SERPINI1: variants seen among roughly 807,000 people sequenced by gnomAD.
The protein encoded by SERPINI1 is neuroserpin.
SERPINI1 carries 19 observed loss-of-function variants against 41.1 expected under a neutral mutation model. The ratio of observed to expected loss-of-function variants is 0.46; its 90% CI spans 0.32 to 0.68. The LOEUF is 0.68. Among genes scored for constraint, SERPINI1 ranks in the 30% least tolerant of loss-of-function variants. The pLI is 0.03. For missense variants in SERPINI1, 460 were observed against 479.2 expected (o/e 0.96, Z 0.37); for synonymous variants, 138 against 156.6 (o/e 0.88, Z 0.89).
chr3:167,748,666 A>C (rs571499065), intron 1 of SERPINI1, among the ~76,000 whole-genome samples: 10 of 152,244 alleles, frequency 6.6e-5, no homozygotes, highest in Admixed American at 6.5e-4. Flanking sequence ...TTTGAGTATG[A>C]AATCAACTAG....
chr3:167,790,001 G>C (rs1727445102), intron 2 of SERPINI1, among the ~76,000 whole-genome samples: 1 of 151,952 alleles, frequency 6.6e-6, no homozygotes, highest in African/African-American at 2.4e-5. Flanking sequence ...AAAATTAAAA[G>C]GTCTACTGAG....
At chr3:167,786,590 T>C (rs1727321813) in intron 1 of SERPINI1, among the ~76,000 whole-genome samples, 1 of 151,416 alleles carries the variant, frequency 6.6e-6, no homozygotes, top group Non-Finnish European at 1.5e-5. Flanking sequence ...GGAGCTTGCA[T>C]GGGTAGAAGT....
At chr3:167,750,581 T>C (rs1270641155) in intron 1 of SERPINI1, among the ~76,000 whole-genome samples, 4 of 152,228 alleles carry the variant, frequency 2.6e-5, no homozygotes, top group African/African-American at 9.6e-5. Context: ...ACTGCTTCAC[T>C]GTTTCTGAGA....
intron 6 of SERPINI1, 60 bp from the exon 7 acceptor site, chr3:167,822,925 AG>A (rs1385570570): frequency 1.1e-6 from 1 of 931,514 alleles, no homozygotes; most frequent in East Asian, 2.4e-5. Context: ...ATTTAACAAA[AG>A]GGCAAAATAT....
chr3:167,816,532 A>G (rs747921859), intron 6 of SERPINI1, among the ~76,000 whole-genome samples: 17 of 152,342 alleles, frequency 1.1e-4, no homozygotes, highest in Non-Finnish European at 2.2e-4. Context: ...AAAATTGAAC[A>G]TTACCAGGAA....
chr3:167,763,681 C>T (rs1726462539), intron 1 of SERPINI1, among the ~76,000 whole-genome samples: 1 of 152,100 alleles, frequency 6.6e-6, no homozygotes, highest in African/African-American at 2.4e-5. Flanking sequence ...CTAACAATCA[C>T]CTGAAATATC....
intron 3 of SERPINI1, among the ~76,000 whole-genome samples, chr3:167,791,001 G>T (rs3804612): frequency 0.13 from 19,865 of 151,996 alleles, 1,602 homozygotes; most frequent in African/African-American, 0.22. Flanking sequence ...AGTTTATACA[G>T]GTTTGTTGGC....
At chr3:167,738,985 T>G (rs2108527705) in intron 1 of SERPINI1, among the ~76,000 whole-genome samples, 1 of 151,998 alleles carries the variant, frequency 6.6e-6, no homozygotes, top group Admixed American at 6.5e-5. Context: ...ATAATAAAGG[T>G]ACTTGAACCA....
intron 5 of SERPINI1, among the ~76,000 whole-genome samples, chr3:167,796,785 T>C (rs1225842722): frequency 6.6e-6 from 1 of 152,174 alleles, no homozygotes; most frequent in African/African-American, 2.4e-5. Context: ...TTTGGGTTGA[T>C]TCCATGTCTT....
In SERPINI1 at chr3:167,825,240, A is replaced by C. The variant is rs759162246; in HGVS notation, c.1157-7A>C. The stretch of plus-strand genomic sequence containing the variant: ...CCCCTCTTTTGTTTACTTCTGAACC[A>C]ATACAGGTACAATTCTATTCATGGG... On this transcript the variant is annotated splice_polypyrimidine_tract_variant and splice_region_variant and intron_variant, in intron 8 of 8. Transcript: ENST00000446050. 6.3e-7 allele frequency: 1 copy of C among 1,599,984 alleles called. No homozygotes were observed. Among genetic ancestry groups the C allele is most frequent in the Non-Finnish European group, 8.6e-7 (1 of 1,167,206 alleles).
chr3:167,755,301 CTCCTTTTAAAGTCATTTCAGATT>C (rs1726161376), intron 1 of SERPINI1, among the ~76,000 whole-genome samples: 2 of 152,286 alleles, frequency 1.3e-5, no homozygotes, highest in Admixed American at 6.5e-5. Context: ...CCAAATGGAC[CTCCTTTTAAAGTCATTTCAGATT>C]TCACCAGCAG....
At chr3:167,802,882 G>T (rs1027326601) in intron 5 of SERPINI1, among the ~76,000 whole-genome samples, 1 of 150,220 alleles carries the variant, frequency 6.7e-6, no homozygotes, top group Non-Finnish European at 1.5e-5. Context: ...CAACCCAAAT[G>T]TCCAACAATG....
At chr3:167,793,838 ATGTGTGTG>A (rs56401913) in intron 4 of SERPINI1, among the ~76,000 whole-genome samples, 1 of 141,238 alleles carries the variant, frequency 7.1e-6, no homozygotes, top group Non-Finnish European at 1.5e-5. Flanking sequence ...GGCCATATGT[ATGTGTGTG>A]TGTGTGTGTG....
intron 5 of SERPINI1, among the ~76,000 whole-genome samples, chr3:167,804,582 T>C (rs571707179): frequency 3.9e-5 from 6 of 152,302 alleles, no homozygotes; most frequent in African/African-American, 1.4e-4. Flanking sequence ...TCTGTAGTCC[T>C]AGCTACTCAG....
At chr3:167,810,289 A>C (rs1428171870) in intron 6 of SERPINI1, among the ~76,000 whole-genome samples, 1 of 152,076 alleles carries the variant, frequency 6.6e-6, no homozygotes, top group Admixed American at 6.6e-5. Context: ...CCCCATAAAT[A>C]CCCAGGAAAA....
At chr3:167,765,987 G>A (rs1397287718) in intron 1 of SERPINI1, among the ~76,000 whole-genome samples, 1 of 152,050 alleles carries the variant, frequency 6.6e-6, no homozygotes, top group Non-Finnish European at 1.5e-5. Flanking sequence ...ATCACTATCA[G>A]CATTTTTGTC....
intron 1 of SERPINI1, among the ~76,000 whole-genome samples, chr3:167,783,205 C>A (rs940889290): frequency 3.3e-5 from 5 of 152,068 alleles, no homozygotes. Context: ...GAAGAACTGC[C>A]ATTGTGGCCA....
chr3:167,775,292 C>T (rs1176863999), intron 1 of SERPINI1, among the ~76,000 whole-genome samples: 5 of 148,414 alleles, frequency 3.4e-5, no homozygotes, highest in South Asian at 2.1e-4. Context: ...GACAGAGTCT[C>T]GCTCTGTTGC....
chr3:167,804,611 T>A (rs1013520850), intron 5 of SERPINI1, among the ~76,000 whole-genome samples: 9 of 152,136 alleles, frequency 5.9e-5, no homozygotes, highest in Admixed American at 6.6e-5. Flanking sequence ...GGCAGGAAGA[T>A]TGCTTTAGAC....
Sources: gnomAD v4.1 joint callset for allele counts (sites outside exome capture counted in the v4.1 genomes callset) on GRCh38, gnomAD v4.1.1 for gene constraint, MANE v1.5 for transcripts, NCBI Gene and HGNC (gene_info 2026-07-23, HGNC 2026-07-21) for gene names.